The following SPINT2 variants were observed in gnomAD, a reference collection of about 807,000 sequenced individuals.
SPINT2 encodes the protein kunitz-type protease inhibitor 2.
Under a neutral mutation model 30.1 loss-of-function variants are expected in SPINT2, and 18 were observed. That is an observed-to-expected ratio of 0.60 (90% CI 0.41 to 0.89). The LOEUF is 0.89. SPINT2 is among the 40% of genes least tolerant of loss of function. SPINT2 has a pLI of 0.00. For synonymous variants in SPINT2, 139 were observed against 137.9 expected (o/e 1.01, Z -0.05); for missense variants, 276 against 334.3 (o/e 0.83, Z 1.36).
chr19:38,270,290 C>T lies in SPINT2; in HGVS notation c.106+5292C>T, dbSNP rs560256236. Among the ~76,000 whole-genome samples the T allele has an allele frequency of 6.2e-4, 95 of 152,278 alleles. 1 individual carries two copies. Among genetic ancestry groups the T allele is most frequent in the African/African-American group, 2.2e-3 (93 of 41,562 alleles). On this transcript the variant is annotated intron_variant, in intron 1 of 6. Transcript: ENST00000301244. ...AACAGCTTCTCACATTATTCTTATCCTCCATAGAAGGAGTGCTTGTCCTAC... is the reference window on the plus strand; with the variant it reads ...AACAGCTTCTCACATTATTCTTATCTTCCATAGAAGGAGTGCTTGTCCTAC...
chr19:38,281,292 T>C (rs1209814123), intron 1 of SPINT2, among the ~76,000 whole-genome samples: 1 of 152,056 alleles, frequency 6.6e-6, no homozygotes, highest in Non-Finnish European at 1.5e-5. Context: ...TTTCTGCTTG[T>C]AGTCCCAGCT....
At chr19:38,287,808 G>C (rs1968660411) in intron 2 of SPINT2, 68 bp from the exon 3 acceptor site, 1 of 1,552,642 alleles carries the variant, frequency 6.4e-7, no homozygotes, top group Non-Finnish European at 8.9e-7. Flanking sequence ...CACAGGGCCA[G>C]CTCATTCTTT....
At chr19:38,289,057 G>C (rs1050485212) in intron 3 of SPINT2, 81 bp from the exon 4 acceptor site, 10 of 1,285,740 alleles carry the variant, frequency 7.8e-6, no homozygotes, top group Non-Finnish European at 1.1e-5. Context: ...ACTCCTCAGT[G>C]GGCCCTTCCA....
At chr19:38,270,143 T>C (rs750474369) in intron 1 of SPINT2, among the ~76,000 whole-genome samples, 28 of 152,222 alleles carry the variant, frequency 1.8e-4, no homozygotes, top group Non-Finnish European at 2.4e-4. Context: ...TGTTATTAGT[T>C]GCCACCCTTT....
chr19:38,265,682 T>C (rs1301810154), intron 1 of SPINT2: 1 of 152,236 alleles, frequency 6.6e-6, no homozygotes, highest in East Asian at 1.9e-4. Context: ...GGAAGTGTGG[T>C]CTGAAAGGTC....
rs397859727 is a variant in SPINT2, at chr19:38,269,400, C to CTT, written c.106+4424_106+4425dup. ...ACTTATTTGAGAACCTCTCCTGCAC[C>CTT]TTTTTTTTTTTTTTTTTTTTTTTGA... On this transcript the variant is annotated intron_variant, in intron 1 of 6. Transcript: ENST00000301244. Among the ~76,000 whole-genome samples the CTT allele has an allele frequency of 2.6e-3, 169 of 64,880 alleles. 1 individual carries two copies. Among genetic ancestry groups the CTT allele is most frequent in the East Asian group, 3.3e-3 (8 of 2,454 alleles). 42.6% of individuals were successfully genotyped at this position (64,880 alleles called of 152,430 possible). A position where few individuals can be genotyped will look rare whatever the true frequency, so the allele number is the denominator to read the frequency against.
At position 38,290,663 on chromosome 19, in the gene SPINT2, T is replaced by TATC. The variant is rs1968706818; in HGVS notation, c.592+89_592+91dup. ...AGCCCTGCCCAGCTGTGGTTTACAT[T>TATC]ATCCTTCACTGTGAACATCATCTTG... is the stretch of plus-strand genomic sequence containing the variant. On this transcript the variant is annotated intron_variant, in intron 6 of 6. Transcript: ENST00000301244. This position sits in a 1 kb window ranked among gnomAD's most constrained non-coding sequence, Gnocchi z 4.3. 6.7e-6 allele frequency: 10 copies of TATC among 1,482,550 alleles called. No individual in the cohort carries two copies. Among genetic ancestry groups the TATC allele is most frequent in the Non-Finnish European group, 8.3e-6 (9 of 1,082,686 alleles). 91.8% of individuals were successfully genotyped at this position (1,482,550 alleles called of 1,614,324 possible).
At chr19:38,291,763 C>A (rs1968721526) in intron 6 of SPINT2, 77 bp from the exon 7 acceptor site, 2 of 1,554,252 alleles carry the variant, frequency 1.3e-6, no homozygotes, top group African/African-American at 2.7e-5. Flanking sequence ...CCTGGATTCC[C>A]CAGGCCCTTG....
At chr19:38,291,774 G>T in intron 6 of SPINT2, 66 bp from the exon 7 acceptor site, 3 of 1,579,144 alleles carry the variant, frequency 1.9e-6, no homozygotes, top group Non-Finnish European at 2.6e-6. Context: ...CAGGCCCTTG[G>T]TGAGCGCCAC....
At chr19:38,281,809 T>G (rs1196571849) in intron 1 of SPINT2, among the ~76,000 whole-genome samples, 1 of 152,142 alleles carries the variant, frequency 6.6e-6, no homozygotes, top group Non-Finnish European at 1.5e-5. Flanking sequence ...ACAATCCAAT[T>G]TTAGAACATT....
At position 38,264,729 on chromosome 19, in the gene SPINT2, G is replaced by C. The variant is rs1203613516; in HGVS notation, c.-164G>C. The C allele has an allele frequency of 2.8e-6, 2 of 701,976 alleles. No individual in the cohort carries two copies. The highest frequency in any genetic ancestry group is 4.7e-6 in the Non-Finnish European group (2 of 426,084). The allele number at this position is 701,976 out of a possible 1,614,324, so 43.5% of individuals were successfully genotyped here. A position where few individuals can be genotyped will look rare whatever the true frequency, so the allele number is the denominator to read the frequency against. ...CGGGCGTCCCCACACTGAAGGTCCG[G>C]AAAGGCGACTTCCGGGGGCTTTGGC... On this transcript the variant is annotated 5_prime_UTR_variant, in exon 1 of 7. Transcript: ENST00000301244.
intron 1 of SPINT2, among the ~76,000 whole-genome samples, chr19:38,268,845 T>A (rs1285017493): frequency 1.3e-5 from 2 of 152,184 alleles, no homozygotes; most frequent in Admixed American, 1.3e-4. Context: ...TATGCAGGAT[T>A]TTTTTCTTTT....
rs1387370025 is a variant in SPINT2, at chr19:38,292,458, C to T, written c.*452C>T. The T allele has an allele frequency of 6.1e-6, 1 of 163,446 alleles. No homozygotes were observed. The highest frequency in any genetic ancestry group is 2.4e-5 in the African/African-American group (1 of 41,560). 10.1% of individuals were successfully genotyped at this position (163,446 alleles called of 1,614,324 possible). The stretch of plus-strand genomic sequence containing the variant: ...CCTTCCCCTTTAGAATAAATTTCAG[C>T]ATGTGCTTTCTTTATGGGAGTCCTA... On this transcript the variant is annotated 3_prime_UTR_variant, in exon 7 of 7. Coordinates refer to ENST00000301244, the MANE Select transcript of SPINT2 (RefSeq NM_021102.4).
Position 38,292,496 on chromosome 19 carries a change from C to T in SPINT2, c.*490C>T, listed in dbSNP as rs1968734504. On this transcript the variant is annotated 3_prime_UTR_variant, in exon 7 of 7. Transcript: ENST00000301244. ...TATGGGAGTCCTAATTTCAACCCTACCAAAATGATCACAAGACACTATCTG... is the reference window on the plus strand; with the variant it reads ...TATGGGAGTCCTAATTTCAACCCTATCAAAATGATCACAAGACACTATCTG... 6.3e-6 allele frequency: 1 copy of T among 157,830 alleles called. No homozygotes were observed. Among genetic ancestry groups the T allele is most frequent in the African/African-American group, 2.4e-5 (1 of 41,474 alleles). 9.8% of individuals were successfully genotyped at this position (157,830 alleles called of 1,614,324 possible).
intron 4 of SPINT2, chr19:38,289,830 A>T (rs1968693218): frequency 2.1e-6 from 1 of 466,404 alleles, no homozygotes; most frequent in Admixed American, 3.4e-5. Flanking sequence ...TCCCATGTAT[A>T]AAATGAAGGG....
At chr19:38,269,815 T>C (rs1291260606) in intron 1 of SPINT2, among the ~76,000 whole-genome samples, 2 of 73,922 alleles carry the variant, frequency 2.7e-5, no homozygotes, top group Admixed American at 2.3e-4. Flanking sequence ...TTCACCGTGT[T>C]AGCCAGGATG....
intron 6 of SPINT2, chr19:38,291,582 A>ATGACTAC (rs1230388916): frequency 2.0e-6 from 1 of 501,038 alleles, no homozygotes; most frequent in Non-Finnish European, 3.6e-6. Context: ...AGGAACACAG[A>ATGACTAC]TGACTACTCT....
At chr19:38,285,791 C>T (rs972544609) in intron 2 of SPINT2, among the ~76,000 whole-genome samples, 1 of 152,184 alleles carries the variant, frequency 6.6e-6, no homozygotes, top group Non-Finnish European at 1.5e-5. Flanking sequence ...TACTGTATTT[C>T]TATCGTCAGC....
Position 38,290,473 on chromosome 19 carries a change from C to T in SPINT2, c.554-64C>T, listed in dbSNP as rs1281069003. The T allele has an allele frequency of 3.1e-6, 5 of 1,613,220 alleles. No individual in the cohort carries two copies. In the South Asian group the frequency reaches 3.3e-5, roughly 11 times the overall value. ...CCATGGAGGCCCTGGCTGAGGGGAT[C>T]CCCTGCGGCAGCTCTGTGGAATGGG... On this transcript the variant is annotated intron_variant, in intron 5 of 6. Transcript: ENST00000301244. This position sits in a 1 kb window ranked among gnomAD's most constrained non-coding sequence, Gnocchi z 4.3.
Sources: gnomAD v4.1 joint callset for allele counts (sites outside exome capture counted in the v4.1 genomes callset) on GRCh38, gnomAD v4.1.1 for gene constraint, Gnocchi (gnomAD v3.1) non-coding constraint, MANE v1.5 for transcripts, NCBI Gene and HGNC (gene_info 2026-07-23, HGNC 2026-07-21) for gene names.